The following CNTN4 variants were observed in gnomAD, a reference collection of about 807,000 sequenced individuals.
The protein encoded by CNTN4 is contactin-4.
Under a neutral mutation model 122.5 loss-of-function variants are expected in CNTN4, and 77 were observed. The ratio of observed to expected loss-of-function variants is 0.63; its 90% CI spans 0.52 to 0.76. The LOEUF is 0.76. CNTN4 is among the 30% of genes least tolerant of loss of function. The pLI is 0.00. For synonymous variants in CNTN4, 512 were observed against 447.0 expected (o/e 1.15, Z -1.83); for missense variants, 1,256 against 1,259.1 (o/e 1.00, Z 0.04).
At chr3:2,318,816 T>A (rs1398626479) in intron 2 of CNTN4, among the ~76,000 whole-genome samples, 1 of 152,168 alleles carries the variant, frequency 6.6e-6, no homozygotes, top group African/African-American at 2.4e-5. Context: ...TTATTATTAT[T>A]TTTTAATGTA....
chr3:2,147,991 C>G (rs533022194), intron 2 of CNTN4, among the ~76,000 whole-genome samples: 1 of 152,302 alleles, frequency 6.6e-6, no homozygotes, highest in East Asian at 1.9e-4. Flanking sequence ...TTCACTCCCA[C>G]ACTACTTCTA....
chr3:2,851,281 A>C (rs2093546054), intron 7 of CNTN4, among the ~76,000 whole-genome samples: 2 of 152,190 alleles, frequency 1.3e-5, no homozygotes, highest in African/African-American at 4.8e-5. Flanking sequence ...GCATTTTTTA[A>C]GAGCACAGAA....
At chr3:2,639,425 C>G (rs929277165) in intron 4 of CNTN4, among the ~76,000 whole-genome samples, 1 of 152,178 alleles carries the variant, frequency 6.6e-6, no homozygotes, top group African/African-American at 2.4e-5. Context: ...CAGACCTCAC[C>G]TTCTTAATGA....
intron 7 of CNTN4, among the ~76,000 whole-genome samples, chr3:2,860,080 G>A (rs2093656860): frequency 6.6e-6 from 1 of 152,212 alleles, no homozygotes; most frequent in Admixed American, 6.5e-5. Context: ...AAAGCGAGTA[G>A]TCTCTTAGTT....
chr3:2,652,263 C>A (rs909739452), intron 4 of CNTN4, among the ~76,000 whole-genome samples: 2 of 152,180 alleles, frequency 1.3e-5, no homozygotes, highest in East Asian at 3.9e-4. Flanking sequence ...AATTTGGGAA[C>A]AGAAGGGAAA....
intron 2 of CNTN4, among the ~76,000 whole-genome samples, chr3:2,238,633 G>A (rs2149589791): frequency 1.3e-5 from 2 of 150,166 alleles, no homozygotes; most frequent in Middle Eastern, 3.6e-3. Context: ...ATTTTGCTAT[G>A]TTAAAAATCC....
chr3:2,636,924 GT>G (rs57301957), intron 4 of CNTN4, among the ~76,000 whole-genome samples: 21,681 of 97,440 alleles, frequency 0.22, 1,923 homozygotes, highest in African/African-American at 0.32. Flanking sequence ...TTCTTTCTTT[GT>G]TTTTTTTTTT....
intron 6 of CNTN4, among the ~76,000 whole-genome samples, chr3:2,800,468 G>A (rs1456272051): frequency 6.6e-6 from 1 of 152,084 alleles, no homozygotes; most frequent in Non-Finnish European, 1.5e-5. Flanking sequence ...TTTTGAATCT[G>A]GTAATTGTCC....
intron 13 of CNTN4, among the ~76,000 whole-genome samples, chr3:2,937,192 C>T (rs1342302977): frequency 2.6e-5 from 4 of 152,144 alleles, no homozygotes; most frequent in African/African-American, 9.7e-5. Context: ...ATTAAATTGT[C>T]ACTTCCAGCA....
chr3:2,329,166 A>G (rs911807219), intron 2 of CNTN4, among the ~76,000 whole-genome samples: 7 of 152,246 alleles, frequency 4.6e-5, no homozygotes, highest in Admixed American at 1.3e-4. Context: ...TCAAATGTTT[A>G]CAAAATAAAA....
intron 12 of CNTN4, among the ~76,000 whole-genome samples, chr3:2,911,723 C>T (rs1008741773): frequency 5.9e-5 from 9 of 151,488 alleles, no homozygotes; most frequent in Non-Finnish European, 8.8e-5. Context: ...AGAGTATCAA[C>T]GAGATAAAAG....
At chr3:2,548,641 T>G (rs962311568) in intron 3 of CNTN4, among the ~76,000 whole-genome samples, 2 of 152,272 alleles carry the variant, frequency 1.3e-5, no homozygotes, top group South Asian at 4.1e-4. Flanking sequence ...TTGCTTAGGA[T>G]TGTCTTGGTT....
intron 3 of CNTN4, among the ~76,000 whole-genome samples, chr3:2,478,493 G>C (rs1048176177): frequency 1.3e-5 from 2 of 150,716 alleles, no homozygotes; most frequent in Admixed American, 6.6e-5. Context: ...GTAAACATGT[G>C]CCATGATGGT....
chr3:2,732,455 C>A (rs1359760775), intron 4 of CNTN4, among the ~76,000 whole-genome samples: 1 of 151,166 alleles, frequency 6.6e-6, no homozygotes, highest in African/African-American at 2.4e-5. Flanking sequence ...CCTCTTTAGA[C>A]TGAAAATCAC....
chr3:2,581,363 A>G, intron 4 of CNTN4, among the ~76,000 whole-genome samples: 1 of 152,184 alleles, frequency 6.6e-6, no homozygotes, highest in East Asian at 1.9e-4. Context: ...GATGCTTAAG[A>G]AAGGTTGAGA....
intron 3 of CNTN4, among the ~76,000 whole-genome samples, chr3:2,568,241 C>T (rs899336973): frequency 7.1e-6 from 1 of 140,480 alleles, no homozygotes; most frequent in African/African-American, 2.7e-5. Context: ...GCACTTTGTA[C>T]TGAGGTCTTC....
chr3:2,630,063 G>A (rs2082363761), intron 4 of CNTN4, among the ~76,000 whole-genome samples: 1 of 152,148 alleles, frequency 6.6e-6, no homozygotes, highest in Non-Finnish European at 1.5e-5. Context: ...CATATTCATT[G>A]GTTTATGTGT....
At chr3:2,609,552 A>G (rs12487827) in intron 4 of CNTN4, among the ~76,000 whole-genome samples, 42,540 of 152,166 alleles carry the variant, frequency 0.28, 7,392 homozygotes, top group Middle Eastern at 0.45. Context: ...TTGTACTTCT[A>G]AAATATAGGT....
intron 5 of CNTN4, among the ~76,000 whole-genome samples, chr3:2,743,661 G>T (rs1328946200): frequency 6.6e-6 from 1 of 152,200 alleles, no homozygotes; most frequent in Non-Finnish European, 1.5e-5. Flanking sequence ...CAGCATTTAT[G>T]GAGCACAATG....
Sources: allele counts gnomAD v4.1 joint callset (sites outside exome capture counted in the v4.1 genomes callset), GRCh38; gene constraint gnomAD v4.1.1; transcripts MANE v1.5; gene names NCBI Gene and HGNC (gene_info 2026-07-23, HGNC 2026-07-21).